LIPG: variants seen among roughly 807,000 people sequenced by gnomAD.
LIPG encodes the protein lipase G, endothelial type, also known as endothelial lipase.
In LIPG, 34 loss-of-function variants were observed where a neutral mutation model predicts 51.8. That is an observed-to-expected ratio of 0.66 (90% confidence interval 0.50 to 0.87). LIPG has a LOEUF of 0.87. Ranked by LOEUF, LIPG falls within the 40% of genes least tolerant of loss-of-function variation. The pLI is 0.00. For missense variants in LIPG, 580 were observed against 652.7 expected, an observed-to-expected ratio of 0.89 and a Z score of 1.21; for synonymous variants, 246 against 246.1, an observed-to-expected ratio of 1.00 and a Z score of 0.00.
chr18:49,569,990 C>G (rs543228848), intron 4 of LIPG, among the ~76,000 whole-genome samples: 1 of 152,208 alleles, frequency 6.6e-6, no homozygotes. Context: ...TGGATAGAGC[C>G]CTGGCCCCAA....
At chr18:49,562,713 G>A (rs2084564210) in intron 1 of LIPG, among the ~76,000 whole-genome samples, 2 of 152,060 alleles carry the variant, frequency 1.3e-5, no homozygotes, top group Admixed American at 1.3e-4. Context: ...CAGCCGAGCG[G>A]CCTGGCAGCA....
intron 5 of LIPG, among the ~76,000 whole-genome samples, chr18:49,579,232 G>A (rs573852645): frequency 7.8e-6 from 1 of 127,636 alleles, no homozygotes; most frequent in Non-Finnish European, 1.6e-5. Context: ...GAGGGAGAGG[G>A]AGAGGGCTCA....
intron 8 of LIPG, 46 bp from the exon 9 acceptor site, chr18:49,586,700 T>TC: frequency 7.4e-7 from 1 of 1,354,238 alleles, no homozygotes; most frequent in Non-Finnish European, 1.1e-6. Context: ...ACAGCTGGAT[T>TC]CCCCCTAAAG....
In LIPG at chr18:49,591,056, ATT is replaced by A; in HGVS notation, c.*535_*536del. The A allele has an allele frequency of 7.0e-5, 13 of 186,838 alleles. No individual in the cohort carries two copies. The highest frequency in any genetic ancestry group is 2.1e-4 in the Admixed American group (4 of 18,750). The allele number at this position is 186,838 out of a possible 1,614,324, so 11.6% of individuals were successfully genotyped here. ...TGACCATACTGCTTACGTCTTAGCC[ATT>A]CCGTCCTGCTCCCCAGCTCACTCTC... On this transcript the variant is annotated 3_prime_UTR_variant, in exon 10 of 10. Coordinates refer to ENST00000261292, the MANE Select transcript of LIPG (RefSeq NM_006033.4).
intron 1 of LIPG, 115 bp from the exon 2 acceptor site, chr18:49,565,202 A>G: frequency 1.0e-6 from 1 of 993,364 alleles, no homozygotes. Flanking sequence ...GCAGATGTAA[A>G]AACCGAAACC....
chr18:49,567,337 A>C, intron 2 of LIPG, 105 bp from the exon 3 acceptor site: 1 of 350,810 alleles, frequency 2.9e-6, no homozygotes, highest in Non-Finnish European at 4.3e-6. Context: ...ACCCTGAGTC[A>C]AAAAAAAAAA....
chr18:49,578,181 C>G (rs1488852553), intron 5 of LIPG, among the ~76,000 whole-genome samples: 14 of 149,220 alleles, frequency 9.4e-5, no homozygotes, highest in Non-Finnish European at 1.6e-4. Flanking sequence ...TCCTCACCTC[C>G]CAGATGGGGT....
At chr18:49,585,040 C>G (rs1357429145) in intron 8 of LIPG, among the ~76,000 whole-genome samples, 1 of 152,140 alleles carries the variant, frequency 6.6e-6, no homozygotes, top group Non-Finnish European at 1.5e-5. Context: ...GTGTTTCCTT[C>G]CATCATGTTT....
rs564271258 is a variant in LIPG at position 49,579,230 on chromosome 18, G to C, written c.794-2185G>C. On this transcript the variant is annotated intron_variant, in intron 5 of 9. Coordinates refer to ENST00000261292, the MANE Select transcript of LIPG (RefSeq NM_006033.4). The stretch of plus-strand genomic sequence containing the variant: ...AGGGAGAGGGAGAGGGAGAGGGAGA[G>C]GGAGAGGGCTCACCGGATACACTCT... Among the ~76,000 whole-genome samples the C allele has an allele frequency of 9.8e-4, 120 of 122,036 alleles. 1 individual carries two copies. The highest frequency in any genetic ancestry group is 1.9e-3 in the Admixed American group (20 of 10,276). The allele number at this position is 122,036 out of a possible 152,430, so 80.1% of individuals were successfully genotyped here.
rs1397298686 is a variant in LIPG at position 49,597,790 on chromosome 18, T to G, written c.*7268T>G. ...CAAATGGTTTTGGACTCACAAGAAT[T>G]GCTCATGGCCAGAGGCAATGGACAG... is the stretch of plus-strand genomic sequence containing the variant. On this transcript the variant is annotated 3_prime_UTR_variant, in exon 10 of 10. Coordinates refer to ENST00000261292, the MANE Select transcript of LIPG (RefSeq NM_006033.4). The G allele has an allele frequency of 6.6e-6, 1 of 152,238 alleles. No individual in the cohort carries two copies. Among genetic ancestry groups the G allele is most frequent in the Non-Finnish European group, 1.5e-5 (1 of 68,058 alleles). 9.4% of individuals were successfully genotyped at this position (152,238 alleles called of 1,614,324 possible). A position where few individuals can be genotyped will look rare whatever the true frequency, so the allele number is the denominator to read the frequency against.
At chr18:49,572,045 C>A (rs955625695) in intron 4 of LIPG, among the ~76,000 whole-genome samples, 1 of 152,188 alleles carries the variant, frequency 6.6e-6, no homozygotes, top group African/African-American at 2.4e-5. Context: ...CGTGGCCGGG[C>A]GCAGTGGCTC....
intron 2 of LIPG, among the ~76,000 whole-genome samples, chr18:49,566,617 G>T (rs2084609019): frequency 6.6e-6 from 1 of 152,136 alleles, no homozygotes; most frequent in Non-Finnish European, 1.5e-5. Flanking sequence ...TGTAATTTGG[G>T]ATTCCGGGGA....
chr18:49,568,408 A>G (rs921399369), intron 3 of LIPG, among the ~76,000 whole-genome samples: 5 of 147,452 alleles, frequency 3.4e-5, no homozygotes, highest in Non-Finnish European at 7.5e-5. Flanking sequence ...TTTGAGACAG[A>G]GTCTCGCTGT....
At position 49,565,447 on chromosome 18, in the gene LIPG, C is replaced by T. The variant is rs1568525888; in HGVS notation, c.228C>T (p.Asp76=). ...TCGGCCACAGCCAGCCCTTAGAAGACTGCAGTTTCAACATGACAGCTAAAA... is the reference window on the plus strand; with the variant it reads ...TCGGCCACAGCCAGCCCTTAGAAGATTGCAGTTTCAACATGACAGCTAAAA... The part of the protein sequence containing the change: ...LSVGHSQPLE[D]CSFNMTAKTF... Residue 76 remains aspartate, a synonymous_variant, in exon 2 of 10, where the codon GAC becomes GAT. Transcript: ENST00000261292. The T allele has an allele frequency of 1.2e-6, 2 of 1,614,256 alleles. No homozygotes were observed. Among genetic ancestry groups the T allele is most frequent in the Non-Finnish European group, 1.7e-6 (2 of 1,180,044 alleles).
chr18:49,564,852 T>G (rs2084585701), intron 1 of LIPG, among the ~76,000 whole-genome samples: 1 of 152,218 alleles, frequency 6.6e-6, no homozygotes, highest in African/African-American at 2.4e-5. Context: ...TATTAGGATG[T>G]TTGATCCAGG....
At chr18:49,579,773 C>CTTTTCTT (rs1568533506) in intron 5 of LIPG, among the ~76,000 whole-genome samples, 3 of 63,474 alleles carry the variant, frequency 4.7e-5, no homozygotes, top group Admixed American at 2.9e-4. Context: ...CCTTTCTTTT[C>CTTTTCTT]TTTTCTTTTC....
rs2084987302 is a variant in LIPG, at chr18:49,597,241, C to T, written c.*6719C>T. 1 of 152,136 alleles carries T rather than the reference C, an allele frequency of 6.6e-6. No homozygotes were observed. Among genetic ancestry groups the T allele is most frequent in the African/African-American group, 2.4e-5 (1 of 41,426 alleles). 9.4% of individuals were successfully genotyped at this position (152,136 alleles called of 1,614,324 possible). The stretch of plus-strand genomic sequence containing the variant: ...GGGAATCTTTCTTCTAATCGAGGCC[C>T]CTAAAATATTCCTGATTTTCACAGT... On this transcript the variant is annotated 3_prime_UTR_variant, in exon 10 of 10. Transcript: ENST00000261292.
chr18:49,578,710 C>T (rs1448376848), intron 5 of LIPG, among the ~76,000 whole-genome samples: 24 of 150,356 alleles, frequency 1.6e-4, no homozygotes, highest in African/African-American at 5.9e-4. Context: ...GAGATCACGC[C>T]ACTGCACTCC....
upstream of LIPG, chr18:49,561,520 T>C (rs113851934): frequency 3.4e-4 from 156 of 453,818 alleles, no homozygotes; most frequent in African/African-American, 2.4e-3. Context: ...CGCCGGGTTA[T>C]TGTGCGGCCG....
Sources: allele counts gnomAD v4.1 joint callset (sites outside exome capture counted in the v4.1 genomes callset), GRCh38; gene constraint gnomAD v4.1.1; transcripts MANE v1.5; gene names NCBI Gene and HGNC (gene_info 2026-07-23, HGNC 2026-07-21).